Variants in LGSN observed in about 807,000 individuals in gnomAD.
LGSN encodes lengsin.
Under a neutral mutation model 19.5 loss-of-function variants are expected in LGSN, and 21 were observed. The ratio of observed to expected loss-of-function variants is 1.07; its 90% CI spans 0.76 to 1.55. The LOEUF (loss-of-function observed/expected upper bound fraction) is 1.55, where lower values mean the gene tolerates loss of function less well. Among genes scored for constraint, LGSN ranks in the 40% most tolerant of loss-of-function variants. The probability of loss-of-function intolerance (pLI) is 0.00; values close to 1 mark genes in which losing one functional copy is unlikely to be tolerated. For synonymous variants in LGSN, 257 were observed against 215.6 expected (o/e 1.19, Z -1.68); for missense variants, 673 against 608.5 (o/e 1.11, Z -1.12).
chr6:63,378,085 C>A, the LGSN span, among the ~76,000 whole-genome samples: 2 of 145,566 alleles, frequency 1.4e-5, no homozygotes, highest in Non-Finnish European at 3.0e-5. Flanking sequence ...GATGGAAAAG[C>A]AATCTAGAAA....
At chr6:63,529,109 A>G in the LGSN span, among the ~76,000 whole-genome samples, 8 of 146,142 alleles carry the variant, frequency 5.5e-5, no homozygotes, top group Admixed American at 1.4e-4. Context: ...ATATGTGTGT[A>G]TATATATATA....
the LGSN span, among the ~76,000 whole-genome samples, chr6:63,354,821 C>G: frequency 6.6e-6 from 1 of 151,844 alleles, no homozygotes; most frequent in Admixed American, 6.6e-5. Context: ...GAGATAATAC[C>G]ATTTGCAGCA....
the LGSN span, chr6:63,441,706 C>G: frequency 2.3e-4 from 101 of 436,298 alleles, no homozygotes; most frequent in African/African-American, 1.9e-3. Flanking sequence ...GGGAGCAGAT[C>G]ATACCTACCA....
chr6:63,446,914 C>T, the LGSN span, among the ~76,000 whole-genome samples: 1 of 152,042 alleles, frequency 6.6e-6, no homozygotes, highest in Non-Finnish European at 1.5e-5. Context: ...CCAGGTGTGG[C>T]AGCGGGAGCC....
At chr6:63,389,018 A>T in the LGSN span, among the ~76,000 whole-genome samples, 1 of 152,194 alleles carries the variant, frequency 6.6e-6, no homozygotes, top group Non-Finnish European at 1.5e-5. Flanking sequence ...TACAAATAGG[A>T]TGAGGAAGAC....
chr6:63,530,778 T>A, the LGSN span, among the ~76,000 whole-genome samples: 2 of 152,228 alleles, frequency 1.3e-5, no homozygotes, highest in Non-Finnish European at 2.9e-5. Context: ...CCTAGTCTTC[T>A]GTATTTTAAC....
chr6:63,480,792 A>G, the LGSN span, among the ~76,000 whole-genome samples: 1 of 149,872 alleles, frequency 6.7e-6, no homozygotes, highest in African/African-American at 2.5e-5. Context: ...ACCTCTTGGT[A>G]TCTACCCAAA....
At chr6:63,359,076 A>G in the LGSN span, among the ~76,000 whole-genome samples, 1 of 152,212 alleles carries the variant, frequency 6.6e-6, no homozygotes, top group Non-Finnish European at 1.5e-5. Flanking sequence ...CCTTTTCTGC[A>G]TCTATTGAGA....
At chr6:63,340,895 A>G in the LGSN span, among the ~76,000 whole-genome samples, 1 of 151,940 alleles carries the variant, frequency 6.6e-6, no homozygotes, top group African/African-American at 2.4e-5. Context: ...CACACCTGAT[A>G]TAACAGTCAC....
At chr6:63,441,088 A>C in the LGSN span, 1 of 175,250 alleles carries the variant, frequency 5.7e-6, no homozygotes, top group Non-Finnish European at 1.2e-5. Context: ...GCATGCCTGT[A>C]ATTCCAGCTA....
chr6:63,428,866 A>G, the LGSN span, among the ~76,000 whole-genome samples: 3 of 152,148 alleles, frequency 2.0e-5, no homozygotes, highest in African/African-American at 7.2e-5. Flanking sequence ...CTAAGAAACT[A>G]TGATGGAGAA....
the LGSN span, among the ~76,000 whole-genome samples, chr6:63,390,652 C>T: frequency 2.6e-5 from 4 of 150,982 alleles, no homozygotes; most frequent in Admixed American, 6.6e-5. Context: ...GTCAGGAGAT[C>T]GAGACCATCC....
At chr6:63,326,912 G>A in the LGSN span, among the ~76,000 whole-genome samples, 1 of 152,202 alleles carries the variant, frequency 6.6e-6, no homozygotes, top group Admixed American at 6.5e-5. Context: ...TAGTGCAGCG[G>A]TGGGCCAAAG....
chr6:63,550,797 G>T, the LGSN span, among the ~76,000 whole-genome samples: 1 of 151,956 alleles, frequency 6.6e-6, no homozygotes, highest in Non-Finnish European at 1.5e-5. Flanking sequence ...TCTAATTTTT[G>T]TGTTTTTAGT....
chr6:63,524,335 A>C, the LGSN span, among the ~76,000 whole-genome samples: 1 of 152,182 alleles, frequency 6.6e-6, no homozygotes, highest in South Asian at 2.1e-4. Context: ...CCTAGAGGAT[A>C]TATTAATGAC....
the LGSN span, among the ~76,000 whole-genome samples, chr6:63,379,396 G>C: frequency 1.3e-5 from 2 of 152,174 alleles, no homozygotes; most frequent in Non-Finnish European, 2.9e-5. Flanking sequence ...AGTGCCATCA[G>C]ATCACTCTTA....
chr6:63,497,600 C>A, the LGSN span, among the ~76,000 whole-genome samples: 1 of 151,930 alleles, frequency 6.6e-6, no homozygotes, highest in African/African-American at 2.4e-5. Context: ...CATTGCCCAA[C>A]ACTAAGAGAA....
At chr6:63,311,998 T>C (rs572430067) in intron 1 of LGSN, among the ~76,000 whole-genome samples, 1 of 152,328 alleles carries the variant, frequency 6.6e-6, no homozygotes, top group African/African-American at 2.4e-5. Context: ...TGTGTCTTTC[T>C]GTGTCTGGCT....
At chr6:63,563,438 C>A in the LGSN span, among the ~76,000 whole-genome samples, 1 of 152,200 alleles carries the variant, frequency 6.6e-6, no homozygotes, top group Non-Finnish European at 1.5e-5. Flanking sequence ...CTTCCTCCCC[C>A]TCTTTTTGTG....
Sources: gnomAD v4.1 joint callset for allele counts (sites outside exome capture counted in the v4.1 genomes callset) on GRCh38, gnomAD v4.1.1 for gene constraint, MANE v1.5 for transcripts, NCBI Gene and HGNC (gene_info 2026-07-23, HGNC 2026-07-21) for gene names.